The following SPINK5 variants were observed in gnomAD, a reference collection of about 807,000 sequenced individuals.
SPINK5 encodes serine peptidase inhibitor Kazal type 5, also known as serine protease inhibitor Kazal-type 5.
In SPINK5, 125 loss-of-function variants were observed where a neutral mutation model predicts 151.8. The ratio of observed to expected loss-of-function variants is 0.82; its 90% confidence interval spans 0.71 to 0.96. The LOEUF is 0.96. Among genes scored for constraint, SPINK5 ranks in the 40% least tolerant of loss-of-function variants. SPINK5 has a pLI of 0.00. For missense variants in SPINK5, 1,194 were observed against 1,291.9 expected, an observed-to-expected ratio of 0.92 and a Z score of 1.16; for synonymous variants, 374 against 395.3, an observed-to-expected ratio of 0.95 and a Z score of 0.64.
intron 15 of SPINK5, among the ~76,000 whole-genome samples, chr5:148,102,456 A>T (rs919501359): frequency 6.6e-6 from 1 of 152,206 alleles, no homozygotes; most frequent in Non-Finnish European, 1.5e-5. Context: ...AATCATCACA[A>T]TGTATACATA....
chr5:148,133,787 T>G lies in SPINK5; in HGVS notation c.3096-10T>G. On this transcript the variant is annotated splice_polypyrimidine_tract_variant and intron_variant, in intron 31 of 32. Coordinates refer to ENST00000256084, the MANE Select transcript of SPINK5 (RefSeq NM_006846.4). ...TCCTCGTTGTTGAAGCATCCTCTGA[T>G]CTGTTTTAGGATACGCCAAACAAAT... 1.9e-6 allele frequency: 3 copies of G among 1,613,672 alleles called. No individual in the cohort carries two copies. Among genetic ancestry groups the G allele is most frequent in the Non-Finnish European group, 2.5e-6 (3 of 1,179,806 alleles).
At chr5:148,070,685 G>A (rs547044717) in intron 3 of SPINK5, among the ~76,000 whole-genome samples, 145 of 152,198 alleles carry the variant, frequency 9.5e-4, no homozygotes, top group South Asian at 9.5e-3. Context: ...AGAGGGCCCA[G>A]TGTCAATACC....
chr5:148,099,232 A>G lies in SPINK5; in HGVS notation c.1011-2A>G. Reference sequence around the variant, plus strand: ...ATCTGCTTCTTTTTCCCTCTTATTCAGCCAAGCAGAAAATGAAGAAAAGAA... The same window carrying G: ...ATCTGCTTCTTTTTCCCTCTTATTCGGCCAAGCAGAAAATGAAGAAAAGAA... On this transcript the variant is annotated splice_acceptor_variant, in intron 11 of 32. Transcript: ENST00000256084. LOFTEE classifies it high-confidence loss of function. 6.2e-7 allele frequency: 1 copy of G among 1,607,756 alleles called. No individual in the cohort carries two copies. Among genetic ancestry groups the G allele is most frequent in the Non-Finnish European group, 8.5e-7 (1 of 1,176,542 alleles).
chr5:148,065,498 A>T, intron 2 of SPINK5, 126 bp downstream of exon 2: 1 of 983,196 alleles, frequency 1.0e-6, no homozygotes, highest in Non-Finnish European at 1.6e-6. Flanking sequence ...AGCTTTTGTT[A>T]AAAACACAGA....
At chr5:148,069,335 CTAT>C (rs1398950417) in intron 2 of SPINK5, among the ~76,000 whole-genome samples, 1 of 151,792 alleles carries the variant, frequency 6.6e-6, no homozygotes, top group African/African-American at 2.4e-5. Context: ...CCCACCAATT[CTAT>C]TATTTAAAAT....
At position 148,071,834 on chromosome 5, in the gene SPINK5, T is replaced by C. The variant is rs567041787; in HGVS notation, c.210-314T>C. 2.6e-5 allele frequency among the ~76,000 whole-genome samples: 4 copies of C among 152,210 alleles called. No homozygotes were observed. The East Asian group carries it at 7.8e-4, about 30-fold the overall frequency. ...AGCAGGTTCAATGTGAATATTCTCTTTCAAAAACTGCATTCAAAAAATGGT... is the reference window on the plus strand; with the variant it reads ...AGCAGGTTCAATGTGAATATTCTCTCTCAAAAACTGCATTCAAAAAATGGT... On this transcript the variant is annotated intron_variant, in intron 3 of 32. Coordinates refer to ENST00000256084, the MANE Select transcript of SPINK5 (RefSeq NM_006846.4).
At position 148,137,057 on chromosome 5, in the gene SPINK5, A is replaced by T; in HGVS notation, c.*66A>T. Reference sequence around the variant, plus strand: ...CAGTTCTGAATCACCTACCTTCACCATCTGTATATACAAAGAATTCTTCGG... The same window carrying T: ...CAGTTCTGAATCACCTACCTTCACCTTCTGTATATACAAAGAATTCTTCGG... On this transcript the variant is annotated 3_prime_UTR_variant, in exon 33 of 33. Transcript: ENST00000256084. The T allele has an allele frequency of 3.8e-6, 6 of 1,585,704 alleles. No homozygotes were observed. The East Asian group carries it at 1.3e-4, about 35-fold the overall frequency.
chr5:148,068,311 A>G (rs910190433), intron 2 of SPINK5, among the ~76,000 whole-genome samples: 10 of 152,106 alleles, frequency 6.6e-5, no homozygotes, highest in Middle Eastern at 6.8e-3. Context: ...ATTCTCCTTC[A>G]CCATTAATCA....
intron 4 of SPINK5, 100 bp from the exon 5 acceptor site, chr5:148,086,305 C>A: frequency 6.9e-7 from 1 of 1,458,584 alleles, no homozygotes; most frequent in South Asian, 1.3e-5. Context: ...TCTTCTCCAG[C>A]AATTTACATT....
chr5:148,126,778 G>C (rs546734013), intron 29 of SPINK5, among the ~76,000 whole-genome samples: 17 of 152,090 alleles, frequency 1.1e-4, no homozygotes, highest in African/African-American at 4.1e-4. Context: ...TTTTAGTAGA[G>C]ATGGAGTTTC....
intron 30 of SPINK5, 54 bp from the exon 31 acceptor site, chr5:148,131,205 A>C (rs2113233327): frequency 6.2e-7 from 1 of 1,609,722 alleles, no homozygotes; most frequent in Non-Finnish European, 8.5e-7. Context: ...TCTTAAGCCC[A>C]CCCCTCTTCT....
intron 14 of SPINK5, 76 bp from the exon 15 acceptor site, chr5:148,101,705 G>T: frequency 6.2e-7 from 1 of 1,606,446 alleles, no homozygotes. Flanking sequence ...AAGAAAAAAA[G>T]TACAAGCTTT....
At chr5:148,064,712 T>C (rs556572874) in intron 1 of SPINK5, among the ~76,000 whole-genome samples, 38 of 152,216 alleles carry the variant, frequency 2.5e-4, no homozygotes, top group African/African-American at 9.1e-4. Context: ...AACATTAAAA[T>C]TTTTAAAAAG....
chr5:148,133,280 A>G (rs572889684), intron 31 of SPINK5, among the ~76,000 whole-genome samples: 1 of 152,338 alleles, frequency 6.6e-6, no homozygotes, highest in East Asian at 1.9e-4. Flanking sequence ...CACTGCCTTG[A>G]TAGATAATGA....
rs775341740 is a variant in SPINK5, at chr5:148,118,565, G to A, written c.2240+1G>A. The A allele has an allele frequency of 2.5e-5, 40 of 1,613,872 alleles. No homozygotes were observed. The highest frequency in any genetic ancestry group is 3.3e-5 in the South Asian group (3 of 91,080). ...AGTGTACCATGTGTAAAGCAAAATT[G>A]TAAGTATTTCTCTCAACAGGCATGT... is the stretch of plus-strand genomic sequence containing the variant. On this transcript the variant is annotated splice_donor_variant, in intron 23 of 32. Coordinates refer to ENST00000256084, the MANE Select transcript of SPINK5 (RefSeq NM_006846.4). LOFTEE classifies it high-confidence loss of function.
At position 148,137,174 on chromosome 5, in the gene SPINK5, C is replaced by G. The variant is rs1389533908; in HGVS notation, c.*183C>G. The G allele has an allele frequency of 5.3e-6, 4 of 756,784 alleles. No individual in the cohort carries two copies. The highest frequency in any genetic ancestry group is 5.1e-5 in the South Asian group (3 of 59,048). The allele number at this position is 756,784 out of a possible 1,614,324, so 46.9% of individuals were successfully genotyped here. A position where few individuals can be genotyped will look rare whatever the true frequency, so the allele number is the denominator to read the frequency against. ...TTTTCCATCTCTTTCCTCCTAGACT[C>G]TGTGATCTGAGGGTATAAAGACATC... On this transcript the variant is annotated 3_prime_UTR_variant, in exon 33 of 33. Transcript: ENST00000256084.
At chr5:148,088,913 C>T (rs945881323) in intron 6 of SPINK5, 6 of 466,860 alleles carry the variant, frequency 1.3e-5, no homozygotes, top group African/African-American at 1.2e-4. Flanking sequence ...AGTCACTTAG[C>T]CTGCGTTAAA....
chr5:148,066,337 G>T (rs573682500), intron 2 of SPINK5, among the ~76,000 whole-genome samples: 1 of 152,044 alleles, frequency 6.6e-6, no homozygotes, highest in Non-Finnish European at 1.5e-5. Flanking sequence ...CACACACACT[G>T]CTATGCATGC....
intron 27 of SPINK5, 130 bp from the exon 28 acceptor site, chr5:148,124,634 GA>G (rs1272228052): frequency 3.3e-6 from 2 of 610,506 alleles, no homozygotes; most frequent in Non-Finnish European, 5.1e-6. Context: ...AATATTCTTA[GA>G]TTTTTTTTTA....
Sources: gnomAD v4.1 joint callset for allele counts (sites outside exome capture counted in the v4.1 genomes callset) on GRCh38, gnomAD v4.1.1 for gene constraint, MANE v1.5 for transcripts, NCBI Gene and HGNC (gene_info 2026-07-23, HGNC 2026-07-21) for gene names.